The following BRWD3 variants were observed in gnomAD, a reference collection of about 807,000 sequenced individuals.
The protein encoded by BRWD3 is bromodomain and WD repeat-containing protein 3.
In BRWD3, 10 loss-of-function variants were observed where a neutral mutation model predicts 149.7. The observed-to-expected ratio is 0.07, with a 90% CI of 0.04 to 0.11. The LOEUF (loss-of-function observed/expected upper bound fraction) is 0.11, where lower values mean the gene tolerates loss of function less well. Among genes scored for constraint, BRWD3 ranks in the 10% least tolerant of loss-of-function variants. The pLI is 1.00. For synonymous variants in BRWD3, 504 were observed against 456.7 expected, an observed-to-expected ratio of 1.10 and a Z score of -1.32; for missense variants, 940 against 1,373.2, an observed-to-expected ratio of 0.68 and a Z score of 4.99.
At chrX:80,742,334 T>C (rs1314357227) in intron 8 of BRWD3, among the ~76,000 whole-genome samples, 1 of 107,445 alleles carries the variant, frequency 9.3e-6, no homozygotes, top group Non-Finnish European at 1.9e-5. Context: ...TAGTTTGAAG[T>C]CAGGTAGTGT....
intron 33 of BRWD3, among the ~76,000 whole-genome samples, chrX:80,688,544 GAA>G (rs1025996950): frequency 2.7e-5 from 3 of 110,926 alleles, no homozygotes; most frequent in African/African-American, 6.5e-5. Flanking sequence ...TTTTCCTATA[GAA>G]AAGAGATCTA....
chrX:80,755,492 T>C (rs1286730055), intron 6 of BRWD3, among the ~76,000 whole-genome samples: 2 of 111,744 alleles, frequency 1.8e-5, no homozygotes, highest in East Asian at 5.6e-4. Context: ...AACCTAATGT[T>C]AGCTATTACT....
At chrX:80,777,480 C>A (rs753741393) in intron 6 of BRWD3, among the ~76,000 whole-genome samples, 1 of 111,359 alleles carries the variant, frequency 9.0e-6, no homozygotes, top group Non-Finnish European at 1.9e-5. Flanking sequence ...GCAGCCTCAA[C>A]CTCCTTGGCT....
intron 6 of BRWD3, among the ~76,000 whole-genome samples, chrX:80,787,993 A>G (rs1353858834): frequency 3.6e-5 from 4 of 109,952 alleles, no homozygotes; most frequent in Non-Finnish European, 7.6e-5. Flanking sequence ...CTGAGGCAGG[A>G]GAATGGCGTG....
intron 28 of BRWD3, 112 bp from the exon 29 acceptor site, chrX:80,692,262 A>T (rs956084717): frequency 1.5e-6 from 1 of 658,972 alleles, no homozygotes; most frequent in East Asian, 3.4e-5. Context: ...AGGGCAATAC[A>T]GTTGTCTTGA....
At chrX:80,737,126 A>G (rs1206317305) in intron 8 of BRWD3, among the ~76,000 whole-genome samples, 2 of 111,631 alleles carry the variant, frequency 1.8e-5, no homozygotes, top group Non-Finnish European at 3.8e-5. Flanking sequence ...TTCATTAACA[A>G]CTGATGTGCA....
chrX:80,723,565 C>T (rs775106759), intron 16 of BRWD3, among the ~76,000 whole-genome samples, 183 bp downstream of exon 16: 2 of 109,738 alleles, frequency 1.8e-5, no homozygotes, highest in Admixed American at 1.9e-4. Flanking sequence ...GTGATCTGCA[C>T]AGCCAAACCT....
Position 80,722,804 on chromosome X carries a change from T to C in BRWD3, c.1651-17A>G. On this transcript the variant is annotated splice_polypyrimidine_tract_variant and intron_variant, in intron 16 of 40. Coordinates refer to ENST00000373275, the MANE Select transcript of BRWD3 (RefSeq NM_153252.5). ...ATCTGGAATCTTTATGACAGATTTT[T>C]AGTGGGTTAACATACACAGGGAATT... 1 of 1,155,947 alleles carries C rather than the reference T, an allele frequency of 8.7e-7. No homozygotes were observed.
Position 80,703,466 on chromosome X carries a change from C to T in BRWD3, c.2835+14G>A, listed in dbSNP as rs756058114. 13 of 1,118,087 alleles carry T rather than the reference C, an allele frequency of 1.2e-5. No homozygotes were observed. Among genetic ancestry groups the T allele is most frequent in the Non-Finnish European group, 1.6e-5 (13 of 816,736 alleles). The allele number at this position is 1,118,087 out of a possible 1,213,427, so 92.1% of individuals were successfully genotyped here. A position where few individuals can be genotyped will look rare whatever the true frequency, so the allele number is the denominator to read the frequency against. On this transcript the variant is annotated intron_variant, in intron 24 of 40. Transcript: ENST00000373275. The stretch of plus-strand genomic sequence containing the variant: ...GAGGCTCCACAGAAAAAGGTTATAA[C>T]AGGTAATAATTACCTCATCTCCCAT...
intron 6 of BRWD3, among the ~76,000 whole-genome samples, chrX:80,788,392 C>T (rs895226529): frequency 2.7e-5 from 3 of 110,877 alleles, no homozygotes; most frequent in African/African-American, 6.5e-5. Context: ...TAAAAAAACG[C>T]AAACAACTCA....
intron 12 of BRWD3, among the ~76,000 whole-genome samples, chrX:80,730,319 C>T (rs1282464286): frequency 9.4e-6 from 1 of 106,483 alleles, no homozygotes; most frequent in Non-Finnish European, 1.9e-5. Flanking sequence ...GGAAACAACC[C>T]AAATGTCCAT....
Position 80,809,302 on chromosome X carries a change from G to C in BRWD3, c.34C>G (p.Leu12Val). The change falls in exon 2 of 41, where the codon CTG becomes GTG. Residue 12 changes from leucine (L) to valine (V), a missense_variant and splice_region_variant. By Grantham distance (32) the Leu-to-Val change is conservative. Around this residue, in one of 6 missense-constraint regions of BRWD3, gnomAD observed 105 missense variants for 127.7 expected, o/e 0.82. Transcript: ENST00000373275. The stretch of plus-strand genomic sequence containing the variant: ...AAGAACCTAGCGATCAGGTAATACA[G>C]CTCTGGGGAAGAGGGGGGAAAAGAG... Reference protein sequence around the residue: ...AAAPTQIEAELYYLIARFLQS... With the variant: ...AAAPTQIEAEVYYLIARFLQS... 2 of 1,193,254 alleles carry C rather than the reference G, an allele frequency of 1.7e-6. No homozygotes were observed. Among genetic ancestry groups the C allele is most frequent in the Non-Finnish European group, 2.3e-6 (2 of 884,547 alleles).
intron 6 of BRWD3, among the ~76,000 whole-genome samples, chrX:80,785,683 A>G (rs1055916000): frequency 5.3e-5 from 6 of 112,377 alleles, no homozygotes; most frequent in Non-Finnish European, 9.4e-5. Context: ...GTGAGTCGCT[A>G]AAATCAAGAT....
chrX:80,719,706 C>T, intron 17 of BRWD3, 50 bp from the exon 18 acceptor site: 4 of 1,121,097 alleles, frequency 3.6e-6, no homozygotes, highest in Non-Finnish European at 4.9e-6. Flanking sequence ...TTTTAGTATA[C>T]CTTAAACATA....
intron 20 of BRWD3, among the ~76,000 whole-genome samples, chrX:80,715,213 A>C (rs1602343651): frequency 1.1e-5 from 1 of 88,819 alleles, no homozygotes; most frequent in African/African-American, 5.9e-5. Flanking sequence ...AAAATCTCTT[A>C]AAAAAAAAAA....
chrX:80,716,563 A>G (rs1188012984), intron 19 of BRWD3, among the ~76,000 whole-genome samples: 2 of 112,275 alleles, frequency 1.8e-5, no homozygotes, highest in Admixed American at 9.5e-5. Flanking sequence ...GATATTTCAT[A>G]TAAGTGGAAT....
Position 80,690,998 on chromosome X carries a change from A to G in BRWD3, c.3602+55T>C, listed in dbSNP as rs2072603457. On this transcript the variant is annotated intron_variant, in intron 31 of 40. Coordinates refer to ENST00000373275, the MANE Select transcript of BRWD3 (RefSeq NM_153252.5). ...ATGGAAATGCAGATCTCAAAAAGGA[A>G]AGCAAAAGCCATAAAGCTATAAATT... 17 of 1,166,858 alleles carry G rather than the reference A, an allele frequency of 1.5e-5. No individual in the cohort carries two copies. The Admixed American group carries it at 3.9e-4, about 27-fold the overall frequency.
chrX:80,729,893 A>G (rs766612941), intron 13 of BRWD3, 23 bp downstream of exon 13: 10 of 988,228 alleles, frequency 1.0e-5, no homozygotes, highest in Non-Finnish European at 1.3e-5. Flanking sequence ...AGAACCACAT[A>G]AACATCTAAC....
intron 24 of BRWD3, among the ~76,000 whole-genome samples, chrX:80,701,545 CAAAAAAAAAAAAA>C (rs140140883): frequency 8.3e-5 from 2 of 24,167 alleles, no homozygotes; most frequent in Non-Finnish European, 1.3e-4. Flanking sequence ...CGAGACTCGT[CAAAAAAAAAAAAA>C]AAAAAAAAAA....
Sources: gnomAD v4.1 joint callset for allele counts (sites outside exome capture counted in the v4.1 genomes callset) on GRCh38, gnomAD v4.1.1 for gene constraint, gnomAD v4.1.1 regional missense constraint, MANE v1.5 for transcripts, NCBI Gene and HGNC (gene_info 2026-07-23, HGNC 2026-07-21) for gene names.